ADGRL2: variants seen among roughly 807,000 people sequenced by gnomAD.
The protein encoded by ADGRL2 is calcium-independent alpha-latrotoxin receptor 2.
ADGRL2 carries 44 observed loss-of-function variants against 157.4 expected under a neutral mutation model. The observed-to-expected ratio is 0.28, with a 90% CI of 0.22 to 0.36. The LOEUF (loss-of-function observed/expected upper bound fraction) is 0.36, where lower values mean the gene tolerates loss of function less well. ADGRL2 is among the 10% of genes least tolerant of loss of function. The pLI, the probability that ADGRL2 is intolerant of heterozygous loss-of-function variation, is 1.00. For synonymous variants in ADGRL2, 585 were observed against 624.7 expected, an observed-to-expected ratio of 0.94 and a Z score of 0.95; for missense variants, 1,510 against 1,768.9, an observed-to-expected ratio of 0.85 and a Z score of 2.63.
At chr1:81,477,513 G>A (rs1051468075) in intron 2 of ADGRL2, among the ~76,000 whole-genome samples, 10 of 152,100 alleles carry the variant, frequency 6.6e-5, no homozygotes, top group Admixed American at 6.6e-5. Context: ...GCAAAGTGAC[G>A]GCTTCCAACA....
intron 1 of ADGRL2, among the ~76,000 whole-genome samples, chr1:81,443,627 C>T (rs2077548811): frequency 6.6e-6 from 1 of 152,110 alleles, no homozygotes; most frequent in East Asian, 1.9e-4. Context: ...AACCTATATA[C>T]AATATTTTGA....
At chr1:81,833,229 A>G (rs1211267041) in intron 1 of ADGRL2, among the ~76,000 whole-genome samples, 1 of 152,242 alleles carries the variant, frequency 6.6e-6, no homozygotes, top group Non-Finnish European at 1.5e-5. Context: ...TACCTAAAAC[A>G]TTAATGTTTC....
At chr1:81,577,129 C>G (rs971586475) in intron 2 of ADGRL2, among the ~76,000 whole-genome samples, 1 of 152,164 alleles carries the variant, frequency 6.6e-6, no homozygotes, top group African/African-American at 2.4e-5. Flanking sequence ...TGATTTTCCT[C>G]TCTTTGGACT....
At chr1:81,501,660 C>A in intron 2 of ADGRL2, 1 of 1,444,964 alleles carries the variant, frequency 6.9e-7, no homozygotes, top group Non-Finnish European at 9.4e-7. Flanking sequence ...GCCGCCTCCT[C>A]CGCCACCCGA....
intron 2 of ADGRL2, among the ~76,000 whole-genome samples, chr1:81,839,604 C>T (rs1178653082): frequency 6.6e-6 from 1 of 151,704 alleles, no homozygotes; most frequent in South Asian, 2.1e-4. Context: ...TAGCTTAGCT[C>T]CTACATATCA....
intron 3 of ADGRL2, among the ~76,000 whole-genome samples, chr1:81,914,464 G>A (rs558318489): frequency 2.6e-5 from 4 of 152,060 alleles, no homozygotes; most frequent in Non-Finnish European, 4.4e-5. Flanking sequence ...CTCTTGCTTA[G>A]CATATTCATT....
At chr1:81,618,656 A>C (rs1156319422) in intron 3 of ADGRL2, among the ~76,000 whole-genome samples, 1 of 152,238 alleles carries the variant, frequency 6.6e-6, no homozygotes, top group Non-Finnish European at 1.5e-5. Flanking sequence ...CCATATGAAT[A>C]AAACATGTTG....
chr1:81,626,660 T>G (rs2081917276), intron 3 of ADGRL2, among the ~76,000 whole-genome samples: 1 of 152,228 alleles, frequency 6.6e-6, no homozygotes, highest in African/African-American at 2.4e-5. Flanking sequence ...GCAGTTTAGC[T>G]GAAAACATTA....
chr1:81,848,543 A>T (rs184544728), intron 2 of ADGRL2, among the ~76,000 whole-genome samples: 9 of 152,062 alleles, frequency 5.9e-5, no homozygotes, highest in African/African-American at 2.2e-4. Flanking sequence ...TATTTAAAGT[A>T]TACTTTATAT....
At chr1:81,868,271 A>T (rs2093603006) in intron 2 of ADGRL2, among the ~76,000 whole-genome samples, 1 of 152,080 alleles carries the variant, frequency 6.6e-6, no homozygotes, top group Non-Finnish European at 1.5e-5. Flanking sequence ...GCATTGACTA[A>T]ATTACAAATA....
At chr1:81,947,625 A>G (rs1405019761) in intron 6 of ADGRL2, among the ~76,000 whole-genome samples, 1 of 152,232 alleles carries the variant, frequency 6.6e-6, no homozygotes, top group African/African-American at 2.4e-5. Context: ...TGCTAAATCA[A>G]CGTACACTTT....
In ADGRL2 at chr1:81,990,735, G is replaced by A. The variant is rs149473672; in HGVS notation, c.4000G>A (p.Glu1334Lys). Residue 1334 changes from glutamate (E) to lysine (K), a missense_variant, in exon 24 of 24, where the codon GAG (glutamate) becomes AAG (lysine). Physicochemically the swap from Glu to Lys is moderately conservative, Grantham distance 56. This residue lies in a region of ADGRL2 where 327 missense variants were observed against 310.1 expected (regional missense o/e 1.05). Transcript: ENST00000686636. Reference sequence around the variant, plus strand: ...GCTGGAGCTCCATCACAAAGAACTCGAGGCACCACTTATTCCTCAGCGGAC... The same window carrying A: ...GCTGGAGCTCCATCACAAAGAACTCAAGGCACCACTTATTCCTCAGCGGAC... The part of the protein sequence containing the change: ...PGLELHHKEL[E>K]APLIPQRTHS... The A allele has an allele frequency of 7.6e-5, 122 of 1,614,028 alleles. 1 individual carries two copies. In the Middle Eastern group the frequency reaches 5.3e-3, roughly 70 times the overall value.
intron 1 of ADGRL2, among the ~76,000 whole-genome samples, chr1:81,314,776 A>T (rs1659993797): frequency 6.6e-6 from 1 of 152,220 alleles, no homozygotes; most frequent in Non-Finnish European, 1.5e-5. Context: ...GCAGAAAATG[A>T]ATAGAAATGA....
rs1344298070 is a variant in ADGRL2, at chr1:81,952,160, G to A, written c.1794+18G>A. On this transcript the variant is annotated intron_variant, in intron 9 of 23. Transcript: ENST00000686636. The stretch of plus-strand genomic sequence containing the variant: ...ATAACAAGGTAGAGAGAACTCTTCT[G>A]TTATTTTGAATTAGACACTTGGTAT... 1 of 1,576,084 alleles carries A rather than the reference G, an allele frequency of 6.3e-7. No homozygotes were observed. Among genetic ancestry groups the A allele is most frequent in the Non-Finnish European group, 8.6e-7 (1 of 1,157,838 alleles).
chr1:81,469,823 A>T (rs1469351364), intron 2 of ADGRL2, among the ~76,000 whole-genome samples: 1 of 152,144 alleles, frequency 6.6e-6, no homozygotes, highest in Non-Finnish European at 1.5e-5. Flanking sequence ...TCCCTTGCTC[A>T]TTATGAACAC....
chr1:81,355,223 G>A (rs915113358), intron 1 of ADGRL2, among the ~76,000 whole-genome samples: 1 of 152,026 alleles, frequency 6.6e-6, no homozygotes, highest in African/African-American at 2.4e-5. Context: ...GCTGGGCTTG[G>A]TGGCATGTGC....
intron 3 of ADGRL2, among the ~76,000 whole-genome samples, chr1:81,631,839 G>A (rs2082016280): frequency 6.6e-6 from 1 of 151,970 alleles, no homozygotes; most frequent in Non-Finnish European, 1.5e-5. Context: ...ACACACTGGA[G>A]CATTTCCTTG....
intron 3 of ADGRL2, among the ~76,000 whole-genome samples, chr1:81,662,729 G>C (rs1022742365): frequency 6.6e-6 from 1 of 151,336 alleles, no homozygotes. Context: ...TAATTTTTTT[G>C]TATTTTTAGT....
intron 1 of ADGRL2, among the ~76,000 whole-genome samples, chr1:81,721,066 C>G (rs1190458061): frequency 3.6e-5 from 5 of 137,660 alleles, no homozygotes; most frequent in Non-Finnish European, 1.5e-5. Context: ...GAGCCGGGGT[C>G]TTGCTATGTT....
Sources: allele counts gnomAD v4.1 joint callset (sites outside exome capture counted in the v4.1 genomes callset), GRCh38; gene constraint gnomAD v4.1.1; regional missense constraint gnomAD v4.1.1; transcripts MANE v1.5; gene names NCBI Gene and HGNC (gene_info 2026-07-23, HGNC 2026-07-21).